The following PMS1 variants were observed in gnomAD, a reference collection of about 807,000 sequenced individuals.
PMS1 encodes the protein PMS1 homolog 1, mismatch repair system component, also known as PMS1 protein homolog 1.
Under a neutral mutation model 93.1 loss-of-function variants are expected in PMS1, and 79 were observed. That is an observed-to-expected ratio of 0.85 (90% CI 0.71 to 1.02). PMS1 has a LOEUF of 1.02. Ranked by LOEUF, PMS1 falls within the 50% of genes least tolerant of loss-of-function variation. The pLI is 0.00. For missense variants in PMS1, 1,064 were observed against 1,085.3 expected (o/e 0.98, Z 0.28); for synonymous variants, 335 against 363.4 (o/e 0.92, Z 0.89).
intron 1 of PMS1, among the ~76,000 whole-genome samples, chr2:189,784,959 C>G (rs2048151363): frequency 6.6e-6 from 1 of 152,202 alleles, no homozygotes; most frequent in Non-Finnish European, 1.5e-5. Flanking sequence ...AAGTTAAACT[C>G]TTTAAAGTTA....
At position 189,864,167 on chromosome 2, in the gene PMS1, C is replaced by A; in HGVS notation, c.2281C>A (p.Leu761Ile). ...AGAAGAAGCCCTGCTATTTAAAAGACTTCTTGAGAATCATAAACTTCCTGC... is the reference window on the plus strand; with the variant it reads ...AGAAGAAGCCCTGCTATTTAAAAGAATTCTTGAGAATCATAAACTTCCTGC... The part of the protein sequence containing the change: ...RVEEALLFKR[L>I]LENHKLPAEP... The change falls in exon 10 of 13, where the codon CTT (leucine) becomes ATT (isoleucine). Residue 761 changes from leucine to isoleucine, a missense_variant. Transcript: ENST00000441310. The A allele has an allele frequency of 6.2e-7, 1 of 1,610,440 alleles. No homozygotes were observed. The highest frequency in any genetic ancestry group is 8.5e-7 in the Non-Finnish European group (1 of 1,177,126).
chr2:189,803,658 C>T (rs1429415971), intron 3 of PMS1, among the ~76,000 whole-genome samples: 1 of 152,174 alleles, frequency 6.6e-6, no homozygotes, highest in Non-Finnish European at 1.5e-5. Context: ...AAAAAGTTTC[C>T]TGCTCCAGAC....
At chr2:189,843,217 C>T (rs957618090) in intron 5 of PMS1, among the ~76,000 whole-genome samples, 6 of 151,772 alleles carry the variant, frequency 4.0e-5, no homozygotes, top group Non-Finnish European at 8.8e-5. Flanking sequence ...AGGGTTTCAC[C>T]ATATTGGCTA....
intron 10 of PMS1, among the ~76,000 whole-genome samples, chr2:189,864,687 AATATATATATATATATATATAT>A (rs1220402323): frequency 0.035 from 638 of 18,246 alleles, 64 homozygotes; most frequent in East Asian, 0.12. Context: ...AAAAAAAAAA[AATATATATATATATATATATAT>A]ATATATATAT....
At chr2:189,811,298 A>T (rs1045011627) in intron 4 of PMS1, among the ~76,000 whole-genome samples, 1 of 148,108 alleles carries the variant, frequency 6.8e-6, no homozygotes, top group Non-Finnish European at 1.5e-5. Flanking sequence ...AAAAAAAAAA[A>T]GTCTGAGGGC....
At position 189,877,377 on chromosome 2, in the gene PMS1, G is replaced by GATT. The variant is rs1437380569; in HGVS notation, c.2741_2742insTTA (p.Glu914delinsAspTer). ...GCACCAGTTTGGAAATGAAATTAAAGAGTGTGTTCATGGTCGCCCATTTTT... is the reference window on the plus strand; with the variant it reads ...GCACCAGTTTGGAAATGAAATTAAAGATTAGTGTGTTCATGGTCGCCCATTTTT... On this transcript the variant is annotated stop_gained and protein_altering_variant, in exon 13 of 13. Transcript: ENST00000441310. LOFTEE classifies it high-confidence loss of function. 6.2e-7 allele frequency: 1 copy of GATT among 1,613,392 alleles called. No homozygotes were observed. Among genetic ancestry groups the GATT allele is most frequent in the Non-Finnish European group, 8.5e-7 (1 of 1,179,480 alleles).
intron 6 of PMS1, among the ~76,000 whole-genome samples, chr2:189,848,908 C>G (rs2054468388): frequency 6.6e-6 from 1 of 152,200 alleles, no homozygotes; most frequent in African/African-American, 2.4e-5. Flanking sequence ...CAAAAGCAAT[C>G]TTAAGTTATT....
chr2:189,852,403 C>G (rs992580999), intron 6 of PMS1, among the ~76,000 whole-genome samples: 8 of 152,126 alleles, frequency 5.3e-5, no homozygotes, highest in Non-Finnish European at 1.5e-5. Flanking sequence ...TATAACCATT[C>G]ATGAAGATTT....
At chr2:189,801,704 C>T (rs1298873468) in intron 3 of PMS1, among the ~76,000 whole-genome samples, 1 of 151,774 alleles carries the variant, frequency 6.6e-6, no homozygotes, top group Non-Finnish European at 1.5e-5. Flanking sequence ...GAGACCTGGC[C>T]AAAGGCCAAA....
chr2:189,797,039 C>T (rs1179522237), intron 3 of PMS1, among the ~76,000 whole-genome samples: 1 of 152,180 alleles, frequency 6.6e-6, no homozygotes, highest in Non-Finnish European at 1.5e-5. Flanking sequence ...TATTCAAGCA[C>T]ATTGTAAATC....
In PMS1 at chr2:189,795,729, A is replaced by G. The variant is rs1395220010; in HGVS notation, c.133-40A>G. 3 of 1,462,778 alleles carry G rather than the reference A, an allele frequency of 2.1e-6. No individual in the cohort carries two copies. In the South Asian group the frequency reaches 3.4e-5, roughly 17 times the overall value. The allele number at this position is 1,462,778 out of a possible 1,614,324, so 90.6% of individuals were successfully genotyped here. On this transcript the variant is annotated intron_variant, in intron 2 of 12. Coordinates refer to ENST00000441310, the MANE Select transcript of PMS1 (RefSeq NM_000534.5). ...TCTTTCTAAGTGTGATAACAGTTTAATATTTTTACATATTAAAAGTGTTTT... is the reference window on the plus strand; with the variant it reads ...TCTTTCTAAGTGTGATAACAGTTTAGTATTTTTACATATTAAAAGTGTTTT...
At chr2:189,834,646 A>G (rs968817972) in intron 5 of PMS1, among the ~76,000 whole-genome samples, 2 of 152,254 alleles carry the variant, frequency 1.3e-5, no homozygotes, top group Non-Finnish European at 2.9e-5. Flanking sequence ...TAAAGACTGC[A>G]AAGAAATGAG....
intron 2 of PMS1, among the ~76,000 whole-genome samples, chr2:189,793,767 A>G (rs139032805): frequency 1.8e-3 from 281 of 152,294 alleles, no homozygotes; most frequent in African/African-American, 6.3e-3. Flanking sequence ...ATTTACCAGT[A>G]TTTGCTTTGT....
chr2:189,805,246 G>A (rs559035986), intron 3 of PMS1, among the ~76,000 whole-genome samples: 1 of 152,044 alleles, frequency 6.6e-6, no homozygotes, highest in East Asian at 1.9e-4. Context: ...AGAAGGGGGA[G>A]GGAATGATCA....
At chr2:189,854,202 A>G in intron 8 of PMS1, 37 bp from the exon 9 acceptor site, 2 of 1,497,912 alleles carry the variant, frequency 1.3e-6, no homozygotes, top group South Asian at 1.3e-5. Context: ...TATTATTTTC[A>G]TAATTTCCCC....
intron 3 of PMS1, among the ~76,000 whole-genome samples, chr2:189,798,157 T>C (rs2049529464): frequency 6.6e-6 from 1 of 152,172 alleles, no homozygotes; most frequent in Admixed American, 6.5e-5. Context: ...TGCCTCAGCA[T>C]TGCTAGCTTA....
At chr2:189,821,471 A>G (rs187981677) in intron 5 of PMS1, among the ~76,000 whole-genome samples, 4,335 of 148,828 alleles carry the variant, frequency 0.029, 218 homozygotes, top group African/African-American at 0.1. Context: ...AAAAAAAAAA[A>G]GAAAGAAAAG....
At chr2:189,834,387 G>T (rs2053212742) in intron 5 of PMS1, among the ~76,000 whole-genome samples, 1 of 152,216 alleles carries the variant, frequency 6.6e-6, no homozygotes, top group South Asian at 2.1e-4. Flanking sequence ...ACATGGGAAT[G>T]TGTACTTCTT....
chr2:189,817,193 C>T (rs2051384886), intron 4 of PMS1, among the ~76,000 whole-genome samples: 1 of 152,162 alleles, frequency 6.6e-6, no homozygotes, highest in African/African-American at 2.4e-5. Flanking sequence ...AATGTCAATG[C>T]TGCGAAGGTT....
Sources: gnomAD v4.1 joint callset for allele counts (sites outside exome capture counted in the v4.1 genomes callset) on GRCh38, gnomAD v4.1.1 for gene constraint, MANE v1.5 for transcripts, NCBI Gene and HGNC (gene_info 2026-07-23, HGNC 2026-07-21) for gene names.